Variants in CELF5 observed in about 807,000 individuals in gnomAD.
The protein encoded by CELF5 is CUGBP Elav-like family member 5, also known as CUG-BP and ETR-3 like factor 5.
Under a neutral mutation model 54.9 loss-of-function variants are expected in CELF5, and 6 were observed. That is an observed-to-expected ratio of 0.11 (90% confidence interval 0.06 to 0.22). The LOEUF (loss-of-function observed/expected upper bound fraction) is 0.22, where lower values mean the gene tolerates loss of function less well. Among genes scored for constraint, CELF5 ranks in the 10% least tolerant of loss-of-function variants. The probability of loss-of-function intolerance (pLI) is 1.00; values close to 1 mark genes in which losing one functional copy is unlikely to be tolerated. For missense variants in CELF5, 401 were observed against 678.6 expected, an observed-to-expected ratio of 0.59 and a Z score of 4.54; for synonymous variants, 271 against 290.9, an observed-to-expected ratio of 0.93 and a Z score of 0.70.
intron 1 of CELF5, among the ~76,000 whole-genome samples, chr19:3,232,460 C>T (rs977262398): frequency 6.6e-6 from 1 of 151,902 alleles, no homozygotes; most frequent in Admixed American, 6.6e-5. Context: ...GGGAGGATTG[C>T]TTGATCACAG....
chr19:3,285,089 GC>G (rs2080216994), intron 9 of CELF5, 125 bp downstream of exon 9: 1 of 681,254 alleles, frequency 1.5e-6, no homozygotes. Flanking sequence ...CTCTGGCCCC[GC>G]CCCTCAGGGC....
intron 2 of CELF5, chr19:3,270,472 C>A (rs550828247): frequency 6.6e-6 from 1 of 151,182 alleles, no homozygotes; most frequent in African/African-American, 2.4e-5. Flanking sequence ...TGTGGGGAGA[C>A]CCAGATCCCC....
At chr19:3,234,554 AGAT>A (rs1161000565) in intron 1 of CELF5, among the ~76,000 whole-genome samples, 2 of 152,096 alleles carry the variant, frequency 1.3e-5, no homozygotes, top group East Asian at 3.9e-4. Context: ...CCAGGGTGAC[AGAT>A]GATCCGGCCC....
chr19:3,275,260 C>G lies in CELF5; in HGVS notation c.395-596C>G, dbSNP rs1271817055. 6.6e-6 allele frequency among the ~76,000 whole-genome samples: 1 copy of G among 152,212 alleles called. No individual in the cohort carries two copies. Among genetic ancestry groups the G allele is most frequent in the African/African-American group, 2.4e-5 (1 of 41,458 alleles). Reference sequence around the variant, plus strand: ...CAGGTTCCAGCCCAGCCCCACCCAGCAGGGGGTCCAGCCTGCCAAGGCCCC... The same window carrying G: ...CAGGTTCCAGCCCAGCCCCACCCAGGAGGGGGTCCAGCCTGCCAAGGCCCC... On this transcript the variant is annotated intron_variant, in intron 3 of 12. Coordinates refer to ENST00000292672, the MANE Select transcript of CELF5 (RefSeq NM_021938.4). This position sits in a 1 kb window ranked among gnomAD's most constrained non-coding sequence, Gnocchi z 6.7.
In CELF5 at chr19:3,228,853, G is replaced by T. The variant is rs914989898; in HGVS notation, c.259+3855G>T. On this transcript the variant is annotated intron_variant, in intron 1 of 12. Coordinates refer to ENST00000292672, the MANE Select transcript of CELF5 (RefSeq NM_021938.4). This position sits in a 1 kb window ranked among gnomAD's most constrained non-coding sequence, Gnocchi z 6.0. The stretch of plus-strand genomic sequence containing the variant: ...GCGGGGACAGCGGCAGGGGGCTGGG[G>T]GTGGCTGGCAGGGTTGGCCGGCGTG... Among the ~76,000 whole-genome samples the T allele has an allele frequency of 1.3e-5, 2 of 151,502 alleles. No homozygotes were observed. The highest frequency in any genetic ancestry group is 4.9e-5 in the African/African-American group (2 of 41,208).
rs139181413 is a variant in CELF5, at chr19:3,280,897, C to T, written c.604-302C>T. On this transcript the variant is annotated intron_variant, in intron 5 of 12. Transcript: ENST00000292672. ...CCAGCTGTGCCTCCCTGTTCTCCAG[C>T]GGCGGGATTCTCCATCTGTTTTGAG... is the stretch of plus-strand genomic sequence containing the variant. Among the ~76,000 whole-genome samples the T allele has an allele frequency of 2.4e-3, 361 of 152,296 alleles. 1 individual carries two copies. The highest frequency in any genetic ancestry group is 8.3e-3 in the African/African-American group (343 of 41,564).
At chr19:3,235,279 C>A in intron 1 of CELF5, among the ~76,000 whole-genome samples, 1 of 152,052 alleles carries the variant, frequency 6.6e-6, no homozygotes, top group Non-Finnish European at 1.5e-5. Flanking sequence ...AATCTAGTCA[C>A]TCCCAGAACT....
chr19:3,238,605 CTG>C (rs1018287024), intron 1 of CELF5, among the ~76,000 whole-genome samples: 9 of 152,176 alleles, frequency 5.9e-5, no homozygotes, highest in African/African-American at 2.2e-4. Context: ...GCTCCATCAT[CTG>C]TGCGTCTGCG....
intron 2 of CELF5, among the ~76,000 whole-genome samples, chr19:3,254,400 A>G (rs939918737): frequency 3.3e-5 from 5 of 151,450 alleles, no homozygotes; most frequent in Admixed American, 2.0e-4. Flanking sequence ...CCACACATCC[A>G]TCATCCACCC....
intron 1 of CELF5, among the ~76,000 whole-genome samples, chr19:3,247,549 A>G (rs2145047350): frequency 6.6e-6 from 1 of 151,524 alleles, no homozygotes; most frequent in South Asian, 2.1e-4. Context: ...GGCATGAGCC[A>G]CTGCGCCCGG....
Position 3,273,853 on chromosome 19 carries a change from C to T in CELF5, c.343-19C>T, listed in dbSNP as rs375317589. On this transcript the variant is annotated intron_variant, in intron 2 of 12. Coordinates refer to ENST00000292672, the MANE Select transcript of CELF5 (RefSeq NM_021938.4). The stretch of plus-strand genomic sequence containing the variant: ...CCCCACTGCTAAGCTTGACTTTTCC[C>T]TTCCCCCTCTCTCTGCAGATGGCGC... The T allele has an allele frequency of 1.1e-5, 18 of 1,611,832 alleles. No individual in the cohort carries two copies. In the African/African-American group the frequency reaches 2.0e-4, roughly 18 times the overall value.
chr19:3,263,866 C>T (rs1279681300), intron 2 of CELF5, among the ~76,000 whole-genome samples: 1 of 152,128 alleles, frequency 6.6e-6, no homozygotes, highest in Non-Finnish European at 1.5e-5. Flanking sequence ...GATTGCACCA[C>T]TGCACTCCAG....
intron 1 of CELF5, among the ~76,000 whole-genome samples, chr19:3,235,653 G>GATGGATGA (rs1917535461): frequency 7.6e-6 from 1 of 132,438 alleles, no homozygotes; most frequent in African/African-American, 2.8e-5. Flanking sequence ...TGAGTGGATG[G>GATGGATGA]ATGGATGGAT....
At position 3,228,915 on chromosome 19, in the gene CELF5, T is replaced by TGTGTGTGTGTGC. The variant is rs60732050; in HGVS notation, c.259+3917_259+3918insGTGTGTGTGTGC. Among the ~76,000 whole-genome samples the TGTGTGTGTGTGC allele has an allele frequency of 6.3e-5, 9 of 143,506 alleles. No individual in the cohort carries two copies. Among genetic ancestry groups the TGTGTGTGTGTGC allele is most frequent in the South Asian group, 4.5e-4 (2 of 4,412 alleles). The allele number at this position is 143,506 out of a possible 152,430, so 94.1% of individuals were successfully genotyped here. ...GTGTGTGTGTGTGTGTGTGTGTGTGTACGCGGGCGCGCGCCTGGGAAGGAC... is the reference window on the plus strand; with the variant it reads ...GTGTGTGTGTGTGTGTGTGTGTGTGTGTGTGTGTGTGCACGCGGGCGCGCGCCTGGGAAGGAC... On this transcript the variant is annotated intron_variant, in intron 1 of 12. Coordinates refer to ENST00000292672, the MANE Select transcript of CELF5 (RefSeq NM_021938.4). This position sits in a 1 kb window ranked among gnomAD's most constrained non-coding sequence, Gnocchi z 6.0.
chr19:3,273,399 T>G (rs988887204), intron 2 of CELF5, among the ~76,000 whole-genome samples: 50 of 152,060 alleles, frequency 3.3e-4, no homozygotes, highest in African/African-American at 1.2e-3. Flanking sequence ...CCTGGGCCTA[T>G]CCACCTGGCA....
At chr19:3,246,202 A>G (rs2079564534) in intron 1 of CELF5, among the ~76,000 whole-genome samples, 1 of 152,138 alleles carries the variant, frequency 6.6e-6, no homozygotes, top group South Asian at 2.1e-4. Flanking sequence ...TGTCTCTATT[A>G]AAAATACAAA....
Position 3,224,911 on chromosome 19 carries a change from G to C in CELF5, c.172G>C (p.Glu58Gln). Residue 58 changes from glutamate to glutamine, a missense_variant, in exon 1 of 13, where the codon GAG becomes CAG. By Grantham distance (29) the Glu-to-Gln change is conservative. Around this residue, in one of 6 missense-constraint regions of CELF5, gnomAD observed 66 missense variants for 132.3 expected, o/e 0.50. Transcript: ENST00000292672. ...FVGQIPRHLD[E>Q]KDLKPLFEQF... ...GGGCCAGATCCCGCGGCACCTGGACGAGAAGGACCTCAAGCCGCTCTTCGA... is the reference window on the plus strand; with the variant it reads ...GGGCCAGATCCCGCGGCACCTGGACCAGAAGGACCTCAAGCCGCTCTTCGA... 1 of 1,608,728 alleles carries C rather than the reference G, an allele frequency of 6.2e-7. No individual in the cohort carries two copies. The highest frequency in any genetic ancestry group is 8.5e-7 in the Non-Finnish European group (1 of 1,178,142).
chr19:3,242,222 A>G (rs1192419412), intron 1 of CELF5, among the ~76,000 whole-genome samples: 1 of 152,170 alleles, frequency 6.6e-6, no homozygotes, highest in African/African-American at 2.4e-5. Flanking sequence ...CTGCAGAGCT[A>G]GACTACCTAG....
intron 2 of CELF5, among the ~76,000 whole-genome samples, chr19:3,267,382 G>C (rs1208904015): frequency 6.6e-6 from 1 of 152,182 alleles, no homozygotes; most frequent in Non-Finnish European, 1.5e-5. Context: ...ATCCGAAATT[G>C]AATAACAGAA....
Sources: gnomAD v4.1 joint callset for allele counts (sites outside exome capture counted in the v4.1 genomes callset) on GRCh38, gnomAD v4.1.1 for gene constraint, gnomAD v4.1.1 regional missense constraint, Gnocchi (gnomAD v3.1) non-coding constraint, MANE v1.5 for transcripts, NCBI Gene and HGNC (gene_info 2026-07-23, HGNC 2026-07-21) for gene names.